The following SOCS5 variants were observed in gnomAD, a reference collection of about 807,000 sequenced individuals.
SOCS5 encodes the protein suppressor of cytokine signaling 5, also known as CIS-6.
A neutral mutation model predicts 42.8 loss-of-function variants in SOCS5; 32 were observed. The observed-to-expected ratio is 0.75, with a 90% CI of 0.56 to 1.01. The LOEUF (loss-of-function observed/expected upper bound fraction) is 1.01. Ranked by LOEUF, SOCS5 falls within the 50% of genes least tolerant of loss-of-function variation. The probability of loss-of-function intolerance (pLI) is 0.00; values close to 1 mark genes in which losing one functional copy is unlikely to be tolerated. For missense variants in SOCS5, 627 were observed against 653.0 expected (o/e 0.96, Z 0.43); for synonymous variants, 283 against 229.6 (o/e 1.23, Z -2.10).
intron 1 of SOCS5, among the ~76,000 whole-genome samples, chr2:46,753,054 G>T (rs537576639): frequency 5.3e-5 from 8 of 152,238 alleles, no homozygotes; most frequent in African/African-American, 1.9e-4. Flanking sequence ...TCTTATCATG[G>T]ATTATGAGGC....
chr2:46,717,090 G>C (rs1672764235), intron 1 of SOCS5, among the ~76,000 whole-genome samples: 1 of 152,146 alleles, frequency 6.6e-6, no homozygotes, highest in Non-Finnish European at 1.5e-5. Context: ...TATGCAGATT[G>C]GTATTTGGCC....
chr2:46,738,906 T>G (rs990727664), intron 1 of SOCS5, among the ~76,000 whole-genome samples: 1 of 152,218 alleles, frequency 6.6e-6, no homozygotes, highest in Non-Finnish European at 1.5e-5. Context: ...GTAAGTAAGA[T>G]GCAGAACCAG....
intron 1 of SOCS5, among the ~76,000 whole-genome samples, chr2:46,741,669 A>G (rs1673380369): frequency 6.6e-6 from 1 of 152,168 alleles, no homozygotes; most frequent in Non-Finnish European, 1.5e-5. Context: ...CTATTTTATA[A>G]CCATTTTTAT....
At chr2:46,744,802 A>G (rs1320108584) in intron 1 of SOCS5, among the ~76,000 whole-genome samples, 3 of 151,880 alleles carry the variant, frequency 2.0e-5, no homozygotes, top group Non-Finnish European at 4.4e-5. Context: ...TGCAGGGCTC[A>G]CATGCGTGAG....
In SOCS5 at chr2:46,759,066, A is replaced by G; in HGVS notation, c.536A>G (p.Gln179Arg). 1.2e-6 allele frequency: 2 copies of G among 1,613,996 alleles called. No homozygotes were observed. Among genetic ancestry groups the G allele is most frequent in the South Asian group, 2.2e-5 (2 of 91,082 alleles). The change falls in exon 2 of 2, where the codon CAG becomes CGG. Residue 179 changes from glutamine to arginine, a missense_variant. By Grantham distance (43) the Gln-to-Arg change is conservative. Coordinates refer to ENST00000394861, the MANE Select transcript of SOCS5 (RefSeq NM_144949.3). ...SRTVGSRSLR[Q>R]RLQDTVGLCF... Reference sequence around the variant, plus strand: ...ACTGTAGGAAGTCGCTCTCTAAGACAGAGGTTGCAGGATACTGTGGGCTTG... The same window carrying G: ...ACTGTAGGAAGTCGCTCTCTAAGACGGAGGTTGCAGGATACTGTGGGCTTG...
intron 1 of SOCS5, among the ~76,000 whole-genome samples, chr2:46,736,203 A>G (rs1673243023): frequency 6.6e-6 from 1 of 151,848 alleles, no homozygotes. Flanking sequence ...CACCATGCCC[A>G]GCTAATTTTT....
At chr2:46,750,836 A>C (rs924409691) in intron 1 of SOCS5, among the ~76,000 whole-genome samples, 3 of 152,144 alleles carry the variant, frequency 2.0e-5, no homozygotes, top group African/African-American at 7.2e-5. Flanking sequence ...TTGAGTATGC[A>C]TGTGCTACCT....
rs76745902 is a variant in SOCS5 at position 46,720,607 on chromosome 2, A to C, written c.-13+21158A>C. On this transcript the variant is annotated intron_variant, in intron 1 of 1. Coordinates refer to ENST00000394861, the MANE Select transcript of SOCS5 (RefSeq NM_144949.3). ...AAGCTGTTTTTACTAATAACTGATA[A>C]ATTTGTAAGATTAGTGTTCTGTGGT... Among the ~76,000 whole-genome samples, 1,172 of 152,338 alleles carry C rather than the reference A, an allele frequency of 7.7e-3. 23 individuals carry two copies. Among genetic ancestry groups the C allele is most frequent in the African/African-American group, 0.027 (1,117 of 41,570 alleles).
At chr2:46,709,019 G>A (rs546184529) in intron 1 of SOCS5, among the ~76,000 whole-genome samples, 189 of 151,468 alleles carry the variant, frequency 1.2e-3, no homozygotes, top group Middle Eastern at 3.4e-3. Flanking sequence ...CCCAAGTAGC[G>A]GGGACTACAG....
At position 46,760,501 on chromosome 2, in the gene SOCS5, G is replaced by A; in HGVS notation, c.*360G>A. 1 of 185,666 alleles carries A rather than the reference G, an allele frequency of 5.4e-6. No individual in the cohort carries two copies. The allele number at this position is 185,666 out of a possible 1,614,324, so 11.5% of individuals were successfully genotyped here. Reference sequence around the variant, plus strand: ...AATATTGGATGAGTATTTCAACAGTGTGACTAATGTTTGAAATTATTTTTT... The same window carrying A: ...AATATTGGATGAGTATTTCAACAGTATGACTAATGTTTGAAATTATTTTTT... On this transcript the variant is annotated 3_prime_UTR_variant, in exon 2 of 2. Coordinates refer to ENST00000394861, the MANE Select transcript of SOCS5 (RefSeq NM_144949.3).
intron 1 of SOCS5, among the ~76,000 whole-genome samples, chr2:46,746,099 G>C (rs958289982): frequency 1.3e-5 from 2 of 151,698 alleles, no homozygotes; most frequent in Non-Finnish European, 2.9e-5. Flanking sequence ...ATATTATGAA[G>C]GATGCTCCAG....
rs1464246989 is a variant in SOCS5, at chr2:46,759,540, G to A, written c.1010G>A (p.Arg337Lys). The change falls in exon 2 of 2, where the codon AGG becomes AAG. Residue 337 changes from arginine (R) to lysine (K), a missense_variant. Physicochemically the swap from Arg to Lys is conservative, Grantham distance 26. This residue lies in a region of SOCS5 where 340 missense variants were observed against 367.6 expected (regional missense o/e 0.92). Transcript: ENST00000394861. Reference protein sequence around the residue: ...DTTTLCLQSRRQKQRQISGDS... With the variant: ...DTTTLCLQSRKQKQRQISGDS... Reference sequence around the variant, plus strand: ...ACCACCCTGTGTTTGCAGTCACGGAGGCAGAAGCAGCGTCAGATATCTGGA... The same window carrying A: ...ACCACCCTGTGTTTGCAGTCACGGAAGCAGAAGCAGCGTCAGATATCTGGA... The A allele has an allele frequency of 1.9e-6, 3 of 1,613,842 alleles. No individual in the cohort carries two copies. Among genetic ancestry groups the A allele is most frequent in the African/African-American group, 1.3e-5 (1 of 74,916 alleles).
chr2:46,719,291 T>G, intron 1 of SOCS5, among the ~76,000 whole-genome samples: 1 of 152,308 alleles, frequency 6.6e-6, no homozygotes, highest in East Asian at 1.9e-4. Context: ...TTGAGCTTTA[T>G]AACTAGATTT....
rs535237421 is a variant in SOCS5 at position 46,753,726 on chromosome 2, A to G, written c.-12-4793A>G. On this transcript the variant is annotated intron_variant, in intron 1 of 1. Transcript: ENST00000394861. ...GGTATTTCTTGATTATATGCTAAAC[A>G]AGGGGTGGGTTATTCATGAGTTTTC... Among the ~76,000 whole-genome samples, 20 of 152,316 alleles carry G rather than the reference A, an allele frequency of 1.3e-4. No individual in the cohort carries two copies. The East Asian group carries it at 3.5e-3, about 26-fold the overall frequency.
chr2:46,747,464 C>A (rs1673528516), intron 1 of SOCS5, among the ~76,000 whole-genome samples: 1 of 152,186 alleles, frequency 6.6e-6, no homozygotes, highest in Admixed American at 6.5e-5. Context: ...AGTCTGTCTG[C>A]CTTGGCCTCC....
At chr2:46,716,111 CTT>C (rs11314433) in intron 1 of SOCS5, among the ~76,000 whole-genome samples, 128 of 137,366 alleles carry the variant, frequency 9.3e-4, no homozygotes, top group Middle Eastern at 3.8e-3. Flanking sequence ...GACACCCCCC[CTT>C]TTTTTTTTTT....
intron 1 of SOCS5, among the ~76,000 whole-genome samples, chr2:46,726,999 G>A (rs1486409558): frequency 7.2e-5 from 11 of 151,766 alleles, no homozygotes; most frequent in Admixed American, 5.2e-4. Context: ...CAGGTGATCC[G>A]CCCACCTCAG....
intron 1 of SOCS5, among the ~76,000 whole-genome samples, chr2:46,730,953 T>G (rs536809444): frequency 6.6e-6 from 1 of 152,274 alleles, no homozygotes; most frequent in East Asian, 1.9e-4. Flanking sequence ...TTGGTGGGGG[T>G]TTGGAGCACA....
chr2:46,752,938 G>A (rs1459489709), intron 1 of SOCS5, among the ~76,000 whole-genome samples: 1 of 152,068 alleles, frequency 6.6e-6, no homozygotes, highest in Admixed American at 6.6e-5. Flanking sequence ...CTATAGATTT[G>A]ACATCTGAAC....
Sources: allele counts gnomAD v4.1 joint callset (sites outside exome capture counted in the v4.1 genomes callset), GRCh38; gene constraint gnomAD v4.1.1; regional missense constraint gnomAD v4.1.1; transcripts MANE v1.5; gene names NCBI Gene and HGNC (gene_info 2026-07-23, HGNC 2026-07-21).